Variants in WDR81 observed in about 807,000 individuals in gnomAD.
The protein encoded by WDR81 is WD repeat domain 81.
A neutral mutation model predicts 140.8 loss-of-function variants in WDR81; 92 were observed. The ratio of observed to expected loss-of-function variants is 0.65; its 90% CI spans 0.55 to 0.78. The LOEUF is 0.78. Ranked by LOEUF, WDR81 falls within the 30% of genes least tolerant of loss-of-function variation. WDR81 has a pLI of 0.00. For missense variants in WDR81, 2,502 were observed against 2,636.4 expected, an observed-to-expected ratio of 0.95 and a Z score of 1.12; for synonymous variants, 1,183 against 1,156.4, an observed-to-expected ratio of 1.02 and a Z score of -0.47.
rs770495198 is a variant in WDR81 at position 1,730,844 on chromosome 17, G to A, written c.3865G>A (p.Asp1289Asn). The change falls in exon 3 of 10, where the codon GAC (aspartate) becomes AAC (asparagine). Residue 1289 changes from aspartate to asparagine, a missense_variant. This residue lies in a region of WDR81 where 1,737 missense variants were observed against 1,843.0 expected (regional missense o/e 0.94). Coordinates refer to ENST00000409644, the MANE Select transcript of WDR81 (RefSeq NM_001163809.2). ...NIYQKRPVLG[D>N]IVSGPVLSCL... ...CTACCAGAAGAGGCCGGTCCTGGGC[G>A]ACATCGTGTCAGGGCCTGTGCTCAG... The A allele has an allele frequency of 3.7e-6, 6 of 1,612,680 alleles. No individual in the cohort carries two copies. In the East Asian group the frequency reaches 8.9e-5, roughly 24 times the overall value.
At position 1,735,607 on chromosome 17, in the gene WDR81, C is replaced by T. The variant is rs770164850; in HGVS notation, c.5215C>T (p.Arg1739Trp). 12 of 1,612,434 alleles carry T rather than the reference C, an allele frequency of 7.4e-6. No homozygotes were observed. Among genetic ancestry groups the T allele is most frequent in the East Asian group, 4.5e-5 (2 of 44,892 alleles). Residue 1739 changes from arginine to tryptophan, a missense_variant, in exon 8 of 10, where the codon CGG (arginine) becomes TGG (tryptophan). Arg to Trp is a moderately radical substitution (Grantham distance 101). Coordinates refer to ENST00000409644, the MANE Select transcript of WDR81 (RefSeq NM_001163809.2). This position sits in a 1 kb window ranked among gnomAD's most constrained non-coding sequence, Gnocchi z 4.2. Reference protein sequence around the residue: ...TLRTVEPLDSRVPLTAVAVMP... With the variant: ...TLRTVEPLDSWVPLTAVAVMP... Reference sequence around the variant, plus strand: ...TCGCACAGTGGAGCCGCTGGACAGCCGGGTGCCCCTGACTGCGGTGGCTGT... The same window carrying T: ...TCGCACAGTGGAGCCGCTGGACAGCTGGGTGCCCCTGACTGCGGTGGCTGT...
chr17:1,735,827 A>G lies in WDR81; in HGVS notation c.5325+110A>G, dbSNP rs1904815103. Reference sequence around the variant, plus strand: ...AGGATGTTGTTCTGGGGCCCTAGTTAGTTTCTCTTTGGTGCTAGATCACCC... The same window carrying G: ...AGGATGTTGTTCTGGGGCCCTAGTTGGTTTCTCTTTGGTGCTAGATCACCC... On this transcript the variant is annotated intron_variant, in intron 8 of 9. Coordinates refer to ENST00000409644, the MANE Select transcript of WDR81 (RefSeq NM_001163809.2). The surrounding 1 kb of genome is among the most constrained non-coding windows in gnomAD (Gnocchi z 4.2). 4 of 1,452,220 alleles carry G rather than the reference A, an allele frequency of 2.8e-6. No homozygotes were observed. Among genetic ancestry groups the G allele is most frequent in the Middle Eastern group, 2.2e-4 (1 of 4,540 alleles). The allele number at this position is 1,452,220 out of a possible 1,614,324, so 90.0% of individuals were successfully genotyped here.
chr17:1,729,788 C>T (rs1222974703), intron 1 of WDR81, among the ~76,000 whole-genome samples: 1 of 151,990 alleles, frequency 6.6e-6, no homozygotes, highest in African/African-American at 2.4e-5. Context: ...TGGTGAAACC[C>T]CATCTCTACT....
chr17:1,735,725 G>A lies in WDR81; in HGVS notation c.5325+8G>A, dbSNP rs1193459669. 7 of 1,608,966 alleles carry A rather than the reference G, an allele frequency of 4.4e-6. No homozygotes were observed. Among genetic ancestry groups the A allele is most frequent in the African/African-American group, 1.3e-5 (1 of 74,764 alleles). On this transcript the variant is annotated splice_region_variant and intron_variant, in intron 8 of 9. Transcript: ENST00000409644. The surrounding 1 kb of genome is among the most constrained non-coding windows in gnomAD (Gnocchi z 4.2). ...AGGAAGCCTGGTCTGCAGGTCAGGG[G>A]GGTCCAGTTCCCTGAGCACTCGCCT... is the stretch of plus-strand genomic sequence containing the variant.
Position 1,737,981 on chromosome 17 carries a change from C to T in WDR81, c.*296C>T, listed in dbSNP as rs1905028434. 3.9e-6 allele frequency: 2 copies of T among 518,850 alleles called. No individual in the cohort carries two copies. Among genetic ancestry groups the T allele is most frequent in the South Asian group, 4.6e-5 (2 of 43,542 alleles). 32.1% of individuals were successfully genotyped at this position (518,850 alleles called of 1,614,324 possible). A position where few individuals can be genotyped will look rare whatever the true frequency, so the allele number is the denominator to read the frequency against. ...TTGCTACCTTCACTTCTCCCCAGCT[C>T]TGCCCTCTGGGTCCACATGAGGACA... On this transcript the variant is annotated 3_prime_UTR_variant, in exon 10 of 10. Transcript: ENST00000409644.
chr17:1,725,207 G>A lies in WDR81; in HGVS notation c.248G>A (p.Gly83Glu), dbSNP rs1020902944. Residue 83 changes from glycine (G) to glutamate (E), a missense_variant, in exon 1 of 10, where the codon GGA (glycine) becomes GAA (glutamate). Transcript: ENST00000409644. ...CCCTGTCCCCGCGCAGAGGGCCTGG[G>A]AGAAGCGGAAGTCAGGACTCTCCTG... is the stretch of plus-strand genomic sequence containing the variant. Reference protein sequence around the residue: ...LGPCPRAEGLGEAEVRTLLQR... With the variant: ...LGPCPRAEGLEEAEVRTLLQR... The A allele has an allele frequency of 1.2e-5, 18 of 1,538,358 alleles. No individual in the cohort carries two copies. The highest frequency in any genetic ancestry group is 1.5e-5 in the Non-Finnish European group (17 of 1,146,782).
rs1192744357 is a variant in WDR81, at chr17:1,733,637, A to G, written c.4600A>G (p.Thr1534Ala). 1 of 1,602,772 alleles carries G rather than the reference A, an allele frequency of 6.2e-7. No homozygotes were observed. Among genetic ancestry groups the G allele is most frequent in the South Asian group, 1.1e-5 (1 of 89,888 alleles). ...SSRNPASVEPTMPGTGPEWDP... is the reference protein window; with the variant it reads ...SSRNPASVEPAMPGTGPEWDP... ...TCGCAACCCTGCCAGCGTGGAGCCC[A>G]CCATGCCCGGCACCGGGCCCGAGTG... is the stretch of plus-strand genomic sequence containing the variant. The change falls in exon 7 of 10, where the codon ACC (threonine) becomes GCC (alanine). Residue 1534 changes from threonine to alanine, a missense_variant. Around this residue, in one of 3 missense-constraint regions of WDR81, gnomAD observed 1,737 missense variants for 1,843.0 expected, o/e 0.94. Coordinates refer to ENST00000409644, the MANE Select transcript of WDR81 (RefSeq NM_001163809.2).
At chr17:1,716,543 A>C (rs1316848710) in exon 1 of WDR81, 1 of 1,550,408 alleles carries the variant, frequency 6.4e-7, no homozygotes, top group African/African-American at 1.4e-5. Context: ...CCTAAAGAGC[A>C]GGCGAAAGCC....
At position 1,735,685 on chromosome 17, in the gene WDR81, C is replaced by T. The variant is rs576775253; in HGVS notation, c.5293C>T (p.Arg1765Cys). The T allele has an allele frequency of 6.3e-5, 101 of 1,612,902 alleles. No homozygotes were observed. Among genetic ancestry groups the T allele is most frequent in the Admixed American group, 1.5e-4 (9 of 59,996 alleles). The change falls in exon 8 of 10, where the codon CGC becomes TGC. Residue 1765 changes from arginine to cysteine, a missense_variant. Physicochemically the swap from Arg to Cys is radical, Grantham distance 180. Coordinates refer to ENST00000409644, the MANE Select transcript of WDR81 (RefSeq NM_001163809.2). This position sits in a 1 kb window ranked among gnomAD's most constrained non-coding sequence, Gnocchi z 4.2. ...CATGGCCAGCTCTGACTCTACCCTG[C>T]GCTTTGTGGACTGCAGGAAGCCTGG... ...ITMASSDSTL[R>C]FVDCRKPGLQ...
upstream of WDR81, among the ~76,000 whole-genome samples, chr17:1,720,195 G>A (rs1189430382): frequency 6.6e-6 from 1 of 152,190 alleles, no homozygotes; most frequent in African/African-American, 2.4e-5. Context: ...TGGGGCAGCT[G>A]CAGCCTCTGT....
chr17:1,731,938 A>AG (rs1286457665), intron 4 of WDR81, among the ~76,000 whole-genome samples: 2 of 141,448 alleles, frequency 1.4e-5, no homozygotes, highest in Non-Finnish European at 3.1e-5. Flanking sequence ...AAAAAAAAAA[A>AG]AAGTATATAT....
chr17:1,723,596 C>A (rs931173432), upstream of WDR81, among the ~76,000 whole-genome samples: 1 of 151,934 alleles, frequency 6.6e-6, no homozygotes, highest in African/African-American at 2.4e-5. Context: ...TGCCATTCTC[C>A]TGCCTCAGCT....
chr17:1,716,562 T>C (rs1228801823), exon 1 of WDR81: 4 of 1,551,164 alleles, frequency 2.6e-6, no homozygotes, highest in African/African-American at 2.7e-5. Context: ...CCACGGCGTC[T>C]GCGTTTGCAA....
rs774248638 is a variant in WDR81 at position 1,733,740 on chromosome 17, T to C, written c.4703T>C (p.Ile1568Thr). 17 of 1,612,502 alleles carry C rather than the reference T, an allele frequency of 1.1e-5. No homozygotes were observed. The highest frequency in any genetic ancestry group is 1.4e-5 in the Non-Finnish European group (17 of 1,179,822). ...TFGSVLVGNRIQIPNDSRPEN... is the reference protein window; with the variant it reads ...TFGSVLVGNRTQIPNDSRPEN... ...GGGAGCGTCCTGGTGGGGAACCGCA[T>C]TCAGATCCCCAATGACTCTCGGCCT... Residue 1568 changes from isoleucine to threonine, a missense_variant, in exon 7 of 10, where the codon ATT becomes ACT. This residue lies in a region of WDR81 where 1,737 missense variants were observed against 1,843.0 expected (regional missense o/e 0.94). Coordinates refer to ENST00000409644, the MANE Select transcript of WDR81 (RefSeq NM_001163809.2).
In WDR81 at chr17:1,725,297, G is replaced by A. The variant is rs974954126; in HGVS notation, c.338G>A (p.Arg113Gln). ...GTGGAGGTGCATGGGCTGCGGAAGC[G>A]GAGACTGTCCTACCCTCTGGGCGGG... ...TRVEVHGLRKRRLSYPLGGGL... is the reference protein window; with the variant it reads ...TRVEVHGLRKQRLSYPLGGGL... The change falls in exon 1 of 10, where the codon CGG (arginine) becomes CAG (glutamine). Residue 113 changes from arginine to glutamine, a missense_variant. Arg to Gln is a conservative substitution (Grantham distance 43). Transcript: ENST00000409644. 3.2e-6 allele frequency: 5 copies of A among 1,547,740 alleles called. 1 individual carries two copies. In the South Asian group the frequency reaches 3.6e-5, roughly 11 times the overall value.
Position 1,727,539 on chromosome 17 carries a change from A to T in WDR81, c.2580A>T (p.Pro860=). ...CCCAGGGCCTGCCCCCACCCTGCCC[A>T]AGCCAGCTTCTCAGCCCCTTCAGCT... ...PVSQGLPPPC[P]SQLLSPFSSV... Residue 860 remains proline, a synonymous_variant, in exon 1 of 10, where the codon CCA becomes CCT. Transcript: ENST00000409644. The T allele has an allele frequency of 6.5e-7, 1 of 1,550,360 alleles. No homozygotes were observed. The highest frequency in any genetic ancestry group is 8.7e-7 in the Non-Finnish European group (1 of 1,146,980).
At chr17:1,731,379 G>C (rs999161831) in intron 4 of WDR81, 121 bp downstream of exon 4, 1 of 1,239,196 alleles carries the variant, frequency 8.1e-7, no homozygotes, top group South Asian at 1.6e-5. Context: ...TCCTGGTTTT[G>C]ATCCCGGCTG....
Position 1,738,313 on chromosome 17 carries a change from G to C in WDR81, c.*628G>C, listed in dbSNP as rs148963581. The C allele has an allele frequency of 6.4e-6, 1 of 156,886 alleles. No individual in the cohort carries two copies. Among genetic ancestry groups the C allele is most frequent in the East Asian group, 1.9e-4 (1 of 5,246 alleles). 9.7% of individuals were successfully genotyped at this position (156,886 alleles called of 1,614,324 possible). A position where few individuals can be genotyped will look rare whatever the true frequency, so the allele number is the denominator to read the frequency against. ...GGCCAGTGGCGCCTGCCAGGAGTGA[G>C]TCCATGCGTTGTCTGCCCACCCCTA... is the stretch of plus-strand genomic sequence containing the variant. On this transcript the variant is annotated 3_prime_UTR_variant, in exon 10 of 10. Coordinates refer to ENST00000409644, the MANE Select transcript of WDR81 (RefSeq NM_001163809.2).
Position 1,737,466 on chromosome 17 carries a change from C to A in WDR81, c.5607C>A (p.Ser1869=), listed in dbSNP as rs760895795. ...QKPTHHYKSA[S]DPIHTFDLYG... ...CCACCCATCACTACAAGTCAGCATC[C>A]GACCCCATCCACACCTTTGACCTGT... Residue 1869 remains serine, a synonymous_variant, in exon 10 of 10, where the codon TCC becomes TCA. Transcript: ENST00000409644. 2 of 1,613,154 alleles carry A rather than the reference C, an allele frequency of 1.2e-6. No homozygotes were observed.
Sources: allele counts gnomAD v4.1 joint callset (sites outside exome capture counted in the v4.1 genomes callset), GRCh38; gene constraint gnomAD v4.1.1; regional missense constraint gnomAD v4.1.1; non-coding constraint Gnocchi (gnomAD v3.1); transcripts MANE v1.5; gene names NCBI Gene and HGNC (gene_info 2026-07-23, HGNC 2026-07-21).